COLGALT2: variants seen among roughly 807,000 people sequenced by gnomAD.
COLGALT2 encodes collagen beta(1-O)galactosyltransferase 2, also known as procollagen galactosyltransferase 2.
Under a neutral mutation model 73.4 loss-of-function variants are expected in COLGALT2, and 49 were observed. The ratio of observed to expected loss-of-function variants is 0.67; its 90% CI spans 0.53 to 0.85. The LOEUF (loss-of-function observed/expected upper bound fraction) is 0.85, where lower values mean the gene tolerates loss of function less well. Among genes scored for constraint, COLGALT2 ranks in the 40% least tolerant of loss-of-function variants. The pLI, the probability that COLGALT2 is intolerant of heterozygous loss-of-function variation, is 0.00. For synonymous variants in COLGALT2, 295 were observed against 307.6 expected (o/e 0.96, Z 0.43); for missense variants, 722 against 790.2 (o/e 0.91, Z 1.03).
chr1:184,014,142 A>G (rs1572677757), intron 1 of COLGALT2, among the ~76,000 whole-genome samples: 1 of 152,212 alleles, frequency 6.6e-6, no homozygotes, highest in African/African-American at 2.4e-5. Flanking sequence ...TACATTTGGT[A>G]ACTGAAGCTA....
downstream of COLGALT2, among the ~76,000 whole-genome samples, chr1:183,931,452 A>T (rs921657792): frequency 1.3e-5 from 2 of 152,144 alleles, no homozygotes; most frequent in Admixed American, 6.5e-5. Context: ...GATTATTGTG[A>T]GTTAGCACCC....
chr1:184,022,720 AAAG>A (rs1649214375), intron 1 of COLGALT2, among the ~76,000 whole-genome samples: 1 of 152,358 alleles, frequency 6.6e-6, no homozygotes, highest in African/African-American at 2.4e-5. Flanking sequence ...ACTCTATTAC[AAAG>A]AAGAGAGAGA....
At chr1:183,952,772 G>C (rs530308018) in intron 7 of COLGALT2, among the ~76,000 whole-genome samples, 3 of 152,170 alleles carry the variant, frequency 2.0e-5, no homozygotes, top group East Asian at 1.9e-4. Flanking sequence ...TACCTTCCTT[G>C]TTTACCTAAC....
chr1:183,981,464 T>C (rs1408691223), intron 1 of COLGALT2, among the ~76,000 whole-genome samples: 3 of 150,260 alleles, frequency 2.0e-5, no homozygotes, highest in Non-Finnish European at 3.0e-5. Flanking sequence ...ACCAGCCTGA[T>C]CTACATGGTG....
At chr1:183,985,355 C>A (rs1572657665) in intron 1 of COLGALT2, among the ~76,000 whole-genome samples, 1 of 152,210 alleles carries the variant, frequency 6.6e-6, no homozygotes, top group Admixed American at 6.5e-5. Context: ...TCACTGCAAC[C>A]TCCACCTCCC....
chr1:183,951,019 G>A lies in COLGALT2; in HGVS notation c.1124C>T (p.Ala375Val), dbSNP rs1441532542. 2 of 1,612,348 alleles carry A rather than the reference G, an allele frequency of 1.2e-6. No individual in the cohort carries two copies. ...AAACCCAACTCACTTTCCATCCACAGCCTCGACAATCTTGACCTCAATCTC... is the reference window on the plus strand; with the variant it reads ...AAACCCAACTCACTTTCCATCCACAACCTCGACAATCTTGACCTCAATCTC... ...EQEIEVKIVE[A>V]VDGKALNTSQ... The change falls in exon 8 of 12, where the codon GCT becomes GTT. Residue 375 changes from alanine to valine, a missense_variant. Physicochemically the swap from Ala to Val is moderately conservative, Grantham distance 64. Coordinates refer to ENST00000361927, the MANE Select transcript of COLGALT2 (RefSeq NM_015101.4).
chr1:183,977,519 C>T (rs1277412617), intron 2 of COLGALT2, among the ~76,000 whole-genome samples: 2 of 151,260 alleles, frequency 1.3e-5, no homozygotes, highest in African/African-American at 2.4e-5. Flanking sequence ...GGCACAAAGG[C>T]TCACACCTGT....
chr1:183,930,954 G>A (rs1346165823), downstream of COLGALT2, among the ~76,000 whole-genome samples: 2 of 152,106 alleles, frequency 1.3e-5, no homozygotes, highest in African/African-American at 2.4e-5. Context: ...TATTGGGTGT[G>A]GTTTCTCAAC....
chr1:183,933,026 C>G (rs1669878584), downstream of COLGALT2, among the ~76,000 whole-genome samples: 1 of 152,200 alleles, frequency 6.6e-6, no homozygotes, highest in Non-Finnish European at 1.5e-5. Context: ...CTTCCCCAAG[C>G]ATTGGGGGCA....
At chr1:183,994,518 G>T (rs976375754) in intron 1 of COLGALT2, among the ~76,000 whole-genome samples, 20 of 152,156 alleles carry the variant, frequency 1.3e-4, no homozygotes, top group African/African-American at 4.8e-4. Flanking sequence ...GCAGTGGTGT[G>T]ATCTCAGCTC....
chr1:183,984,896 C>T (rs916586153), intron 1 of COLGALT2, among the ~76,000 whole-genome samples: 1 of 152,116 alleles, frequency 6.6e-6, no homozygotes, highest in African/African-American at 2.4e-5. Context: ...GCTGATGATG[C>T]TCCCAGGTCA....
intron 5 of COLGALT2, among the ~76,000 whole-genome samples, chr1:183,967,370 C>A (rs902841238): frequency 2.0e-5 from 3 of 152,218 alleles, no homozygotes; most frequent in African/African-American, 7.2e-5. Flanking sequence ...GGAGTTCATC[C>A]TCTCTCTTTC....
chr1:183,969,179 GTT>G, intron 5 of COLGALT2, 88 bp downstream of exon 5: 14 of 1,028,982 alleles, frequency 1.4e-5, no homozygotes, highest in South Asian at 1.8e-5. Context: ...ACATATGAGG[GTT>G]TTTTTTTTTA....
intron 1 of COLGALT2, among the ~76,000 whole-genome samples, chr1:183,986,905 C>T (rs1671505171): frequency 6.6e-6 from 1 of 152,158 alleles, no homozygotes; most frequent in South Asian, 2.1e-4. Context: ...CACCCTCCCA[C>T]TCCAGGCTCC....
intron 5 of COLGALT2, chr1:183,964,221 A>C: frequency 2.1e-6 from 1 of 473,234 alleles, no homozygotes. Context: ...TAATAAAAAC[A>C]CTCGGCTATT....
chr1:184,016,168 G>C (rs1250929487), intron 1 of COLGALT2, among the ~76,000 whole-genome samples: 2 of 152,212 alleles, frequency 1.3e-5, no homozygotes, highest in East Asian at 3.9e-4. Flanking sequence ...TTTTCACTTT[G>C]ATTATAAATT....
chr1:184,007,867 A>G (rs6689360), intron 1 of COLGALT2, among the ~76,000 whole-genome samples: 5,846 of 152,306 alleles, frequency 0.038, 369 homozygotes, highest in African/African-American at 0.13. Context: ...AAAATCTCTC[A>G]GAACTATTAA....
downstream of COLGALT2, among the ~76,000 whole-genome samples, chr1:183,932,783 G>A (rs3010039): frequency 0.15 from 22,824 of 152,136 alleles, 2,133 homozygotes; most frequent in Admixed American, 0.25. Context: ...GGGCCGGAGT[G>A]TCCCTCTCAG....
At chr1:183,983,960 T>C (rs990723105) in intron 1 of COLGALT2, among the ~76,000 whole-genome samples, 1 of 152,206 alleles carries the variant, frequency 6.6e-6, no homozygotes, top group African/African-American at 2.4e-5. Flanking sequence ...AAACCACAGA[T>C]TGTGAAAACA....
Sources: gnomAD v4.1 joint callset for allele counts (sites outside exome capture counted in the v4.1 genomes callset) on GRCh38, gnomAD v4.1.1 for gene constraint, MANE v1.5 for transcripts, NCBI Gene and HGNC (gene_info 2026-07-23, HGNC 2026-07-21) for gene names.